Variants in OSBPL8 observed in about 807,000 individuals in gnomAD.
OSBPL8 encodes the protein oxysterol binding protein like 8, also known as oxysterol-binding protein-related protein 8.
OSBPL8 carries 59 observed loss-of-function variants against 125.5 expected under a neutral mutation model. The observed-to-expected ratio is 0.47, with a 90% CI of 0.38 to 0.58. The LOEUF is 0.58. Among genes scored for constraint, OSBPL8 ranks in the 20% least tolerant of loss-of-function variants. The probability of loss-of-function intolerance (pLI) is 0.00; values close to 1 mark genes in which losing one functional copy is unlikely to be tolerated. For missense variants in OSBPL8, 758 were observed against 1,047.8 expected, an observed-to-expected ratio of 0.72 and a Z score of 3.82; for synonymous variants, 330 against 338.9, an observed-to-expected ratio of 0.97 and a Z score of 0.29.
chr12:76,499,352 T>TCTATCAA (rs1879647141), intron 1 of OSBPL8, among the ~76,000 whole-genome samples: 1 of 137,704 alleles, frequency 7.3e-6, no homozygotes, highest in Admixed American at 7.3e-5. Flanking sequence ...CTATCTATCA[T>TCTATCAA]CTATCTATCT....
At chr12:76,503,943 C>A (rs138320662) in intron 1 of OSBPL8, among the ~76,000 whole-genome samples, 8 of 152,074 alleles carry the variant, frequency 5.3e-5, no homozygotes, top group Non-Finnish European at 8.8e-5. Context: ...AGCTATGAGA[C>A]TCAGTTGTTT....
At chr12:76,482,373 G>A (rs1244332971) in intron 2 of OSBPL8, among the ~76,000 whole-genome samples, 1 of 152,174 alleles carries the variant, frequency 6.6e-6, no homozygotes, top group Non-Finnish European at 1.5e-5. Flanking sequence ...CAACACTTTG[G>A]GAGGCTAAGG....
At chr12:76,409,222 A>G (rs1402115877) in intron 5 of OSBPL8, among the ~76,000 whole-genome samples, 2 of 152,212 alleles carry the variant, frequency 1.3e-5, no homozygotes, top group African/African-American at 4.8e-5. Context: ...TCTGCTCTGA[A>G]GCAGGCCACA....
At chr12:76,506,121 G>A (rs150623804) in intron 1 of OSBPL8, among the ~76,000 whole-genome samples, 1 of 152,184 alleles carries the variant, frequency 6.6e-6, no homozygotes, top group African/African-American at 2.4e-5. Flanking sequence ...CAGATATAAG[G>A]TGTAAATTTT....
chr12:76,465,690 T>G (rs1001838554), intron 2 of OSBPL8, among the ~76,000 whole-genome samples: 1 of 151,708 alleles, frequency 6.6e-6, no homozygotes, highest in Non-Finnish European at 1.5e-5. Context: ...CACAATGAAA[T>G]AGCAAGCATG....
In OSBPL8 at chr12:76,353,780, A is replaced by G. The variant is rs1014784276; in HGVS notation, c.*2109T>C. The stretch of plus-strand genomic sequence containing the variant: ...TTTAGTGTATAAAGAACAGTCATGA[A>G]TAACTCTGCTCTTTCTTAAGAAATA... On this transcript the variant is annotated 3_prime_UTR_variant, in exon 24 of 24. Coordinates refer to ENST00000261183, the MANE Select transcript of OSBPL8 (RefSeq NM_020841.5). 9 of 152,420 alleles carry G rather than the reference A, an allele frequency of 5.9e-5. No homozygotes were observed. The highest frequency in any genetic ancestry group is 2.2e-4 in the African/African-American group (9 of 41,466). The allele number at this position is 152,420 out of a possible 1,614,324, so 9.4% of individuals were successfully genotyped here. A position where few individuals can be genotyped will look rare whatever the true frequency, so the allele number is the denominator to read the frequency against.
In OSBPL8 at chr12:76,352,945, A is replaced by G. The variant is rs1201762796; in HGVS notation, c.*2944T>C. 1 of 152,510 alleles carries G rather than the reference A, an allele frequency of 6.6e-6. No homozygotes were observed. Among genetic ancestry groups the G allele is most frequent in the Non-Finnish European group, 1.5e-5 (1 of 67,920 alleles). 9.4% of individuals were successfully genotyped at this position (152,510 alleles called of 1,614,324 possible). A position where few individuals can be genotyped will look rare whatever the true frequency, so the allele number is the denominator to read the frequency against. On this transcript the variant is annotated 3_prime_UTR_variant, in exon 24 of 24. Transcript: ENST00000261183. ...TGAGTAAAGAATAGGTAAATAGACA[A>G]ACCCCTATAAAAGATAGTATTATTG...
At chr12:76,554,334 GGTCAAGAC>G (rs1283376296) in intron 1 of OSBPL8, among the ~76,000 whole-genome samples, 1 of 152,124 alleles carries the variant, frequency 6.6e-6, no homozygotes, top group Non-Finnish European at 1.5e-5. Flanking sequence ...AAGATCACAA[GGTCAAGAC>G]GTATCAAGAG....
chr12:76,498,226 G>A (rs778273998), intron 1 of OSBPL8, among the ~76,000 whole-genome samples: 38 of 152,314 alleles, frequency 2.5e-4, no homozygotes, highest in South Asian at 1.4e-3. Flanking sequence ...CCAACATGGC[G>A]AAACCCTGTC....
At chr12:76,553,682 A>G (rs894522099) in intron 1 of OSBPL8, among the ~76,000 whole-genome samples, 11 of 140,398 alleles carry the variant, frequency 7.8e-5, no homozygotes, top group South Asian at 4.5e-4. Flanking sequence ...GTATCAGAAG[A>G]AAAAAAAAAA....
intron 4 of OSBPL8, among the ~76,000 whole-genome samples, chr12:76,439,830 T>C (rs980550743): frequency 6.6e-6 from 1 of 152,170 alleles, no homozygotes; most frequent in African/African-American, 2.4e-5. Flanking sequence ...TTTTTAGTTG[T>C]GTCCCCTTTC....
At chr12:76,469,918 G>A (rs1592738021) in intron 2 of OSBPL8, among the ~76,000 whole-genome samples, 1 of 152,042 alleles carries the variant, frequency 6.6e-6, no homozygotes, top group Non-Finnish European at 1.5e-5. Context: ...AAAAAAAAAG[G>A]CTTAGTGATT....
chr12:76,513,431 G>T (rs1881205860), intron 1 of OSBPL8, among the ~76,000 whole-genome samples: 1 of 152,210 alleles, frequency 6.6e-6, no homozygotes, highest in African/African-American at 2.4e-5. Context: ...TTCCATAGAG[G>T]CCTGTCAGAT....
rs369936952 is a variant in OSBPL8, at chr12:76,528,317, C to T, written c.-68+31080G>A. ...ACTCCAGGCTGGGCTACATGCAGAA[C>T]GAGACTCCGTCTCAAAAAAAAAAAA... On this transcript the variant is annotated intron_variant, in intron 1 of 23. Transcript: ENST00000261183. Among the ~76,000 whole-genome samples, 5 of 126,468 alleles carry T rather than the reference C, an allele frequency of 4.0e-5. 1 individual carries two copies. Among genetic ancestry groups the T allele is most frequent in the Middle Eastern group, 5.6e-3 (1 of 180 alleles). 83.0% of individuals were successfully genotyped at this position (126,468 alleles called of 152,430 possible).
intron 1 of OSBPL8, among the ~76,000 whole-genome samples, chr12:76,536,162 A>C (rs1403364613): frequency 6.6e-6 from 1 of 152,012 alleles, no homozygotes; most frequent in Non-Finnish European, 1.5e-5. Flanking sequence ...TTTAAGTAAC[A>C]ATGTTTAAAA....
chr12:76,437,660 G>C (rs572048507), intron 4 of OSBPL8, among the ~76,000 whole-genome samples: 2 of 152,048 alleles, frequency 1.3e-5, no homozygotes, highest in African/African-American at 4.8e-5. Context: ...AAAGAGTTAA[G>C]AATGGTCTTA....
At chr12:76,406,726 C>T (rs1422625177) in intron 5 of OSBPL8, among the ~76,000 whole-genome samples, 1 of 152,074 alleles carries the variant, frequency 6.6e-6, no homozygotes. Context: ...AGTGATCCTC[C>T]CACCTTAGCT....
intron 1 of OSBPL8, among the ~76,000 whole-genome samples, chr12:76,521,830 C>A (rs7295883): frequency 5.9e-5 from 9 of 151,820 alleles, no homozygotes; most frequent in Non-Finnish European, 1.2e-4. Context: ...AATGGACATA[C>A]AGTTTCAATT....
At chr12:76,369,877 C>A in intron 19 of OSBPL8, 55 bp from the exon 20 acceptor site, 1 of 1,493,450 alleles carries the variant, frequency 6.7e-7, no homozygotes, top group Non-Finnish European at 9.0e-7. Flanking sequence ...AAAATAAAAT[C>A]TATATAGAAT....
Sources: gnomAD v4.1 joint callset for allele counts (sites outside exome capture counted in the v4.1 genomes callset) on GRCh38, gnomAD v4.1.1 for gene constraint, MANE v1.5 for transcripts, NCBI Gene and HGNC (gene_info 2026-07-23, HGNC 2026-07-21) for gene names.